Variants in TFIP11 observed in about 807,000 individuals in gnomAD.
TFIP11 encodes tuftelin interacting protein 11.
Under a neutral mutation model 96.8 loss-of-function variants are expected in TFIP11, and 86 were observed. The ratio of observed to expected loss-of-function variants is 0.89; its 90% confidence interval spans 0.75 to 1.06. The LOEUF (loss-of-function observed/expected upper bound fraction) is 1.06, where lower values mean the gene tolerates loss of function less well. TFIP11 is among the 50% of genes least tolerant of loss of function. The pLI, the probability that TFIP11 is intolerant of heterozygous loss-of-function variation, is 0.00. For missense variants in TFIP11, 881 were observed against 1,076.7 expected (o/e 0.82, Z 2.54); for synonymous variants, 405 against 395.2 (o/e 1.02, Z -0.29).
In TFIP11 at chr22:26,503,851, T is replaced by G. The variant is rs772008546; in HGVS notation, c.521-58A>C. 4.2e-5 allele frequency: 67 copies of G among 1,592,176 alleles called. 1 individual carries two copies. The highest frequency in any genetic ancestry group is 5.4e-5 in the Non-Finnish European group (63 of 1,170,316). ...TTACGATCACAGCAATTCATGTATG[T>G]GAATCAGCCACTCAGTGAAATGACA... On this transcript the variant is annotated intron_variant, in intron 6 of 14. Transcript: ENST00000407690.
chr22:26,506,698 C>T, intron 5 of TFIP11, 77 bp downstream of exon 5: 3 of 1,564,240 alleles, frequency 1.9e-6, no homozygotes, highest in Non-Finnish European at 2.6e-6. Flanking sequence ...ATGAGTTTCT[C>T]CCTGGCTAGA....
intron 6 of TFIP11, 190 bp downstream of exon 6, chr22:26,506,113 A>G (rs891232597): frequency 1.9e-6 from 1 of 534,530 alleles, no homozygotes; most frequent in Non-Finnish European, 3.1e-6. Context: ...CTTGCTGTTG[A>G]AACAATTACT....
chr22:26,509,933 A>G (rs536303041), intron 4 of TFIP11, 131 bp downstream of exon 4: 2 of 847,510 alleles, frequency 2.4e-6, no homozygotes, highest in South Asian at 1.7e-5. Flanking sequence ...ACCTCTCGAG[A>G]TGATGTCACA....
chr22:26,505,525 G>A (rs1005013486), intron 6 of TFIP11, among the ~76,000 whole-genome samples: 12 of 152,134 alleles, frequency 7.9e-5, no homozygotes, highest in African/African-American at 2.4e-4. Context: ...GGTTGGGGTG[G>A]AAGACAACAG....
intron 5 of TFIP11, 141 bp from the exon 6 acceptor site, chr22:26,506,600 C>T (rs1309539901): frequency 4.6e-6 from 6 of 1,298,752 alleles, no homozygotes; most frequent in South Asian, 3.0e-5. Context: ...TGTGTGATAA[C>T]GTGTCAGGAA....
In TFIP11 at chr22:26,496,238, G is replaced by T. The variant is rs373604642; in HGVS notation, c.1684C>A (p.Arg562=). 19 of 1,613,770 alleles carry T rather than the reference G, an allele frequency of 1.2e-5. No homozygotes were observed. The highest frequency in any genetic ancestry group is 1.3e-5 in the African/African-American group (1 of 74,882). ...IHPWLPLMQA[R]LEPLYSPIRS... is the part of the protein sequence containing the mutation. The stretch of plus-strand genomic sequence containing the variant: ...ATGGGGGAATAGAGTGGCTCCAGCC[G>T]TGCCTGCATAAGGGGCAGCCATGGG... Residue 562 remains arginine (R), a synonymous_variant, in exon 12 of 15, where the codon CGG becomes AGG. Transcript: ENST00000407690.
chr22:26,500,661 GAA>G (rs112618998), intron 8 of TFIP11, among the ~76,000 whole-genome samples: 31 of 142,448 alleles, frequency 2.2e-4, no homozygotes, highest in African/African-American at 4.4e-4. Flanking sequence ...CTCACTGGAG[GAA>G]AAAAAAAAAA....
In TFIP11 at chr22:26,510,722, T is replaced by C. The variant is rs1923956645; in HGVS notation, c.-95-20A>G. 6.4e-6 allele frequency: 1 copy of C among 156,310 alleles called. No individual in the cohort carries two copies. Among genetic ancestry groups the C allele is most frequent in the African/African-American group, 2.4e-5 (1 of 41,512 alleles). The allele number at this position is 156,310 out of a possible 1,614,324, so 9.7% of individuals were successfully genotyped here. On this transcript the variant is annotated intron_variant, in intron 2 of 14. Coordinates refer to ENST00000407690, the MANE Select transcript of TFIP11 (RefSeq NM_012143.4). ...GTGGTCCTAGGAGAGTGATTTTTTT[T>C]AGAATATGCTTTTTGAAATACATTA... is the stretch of plus-strand genomic sequence containing the variant.
intron 6 of TFIP11, 49 bp downstream of exon 6, chr22:26,506,254 T>C (rs1923391029): frequency 1.3e-6 from 2 of 1,522,070 alleles, no homozygotes; most frequent in Non-Finnish European, 1.8e-6. Context: ...CCCCTCTCCT[T>C]CCCTATGCCT....
At chr22:26,510,004 C>T in intron 4 of TFIP11, 60 bp downstream of exon 4, 1 of 1,570,806 alleles carries the variant, frequency 6.4e-7, no homozygotes, top group Non-Finnish European at 8.7e-7. Context: ...CCTCCACTCC[C>T]TGTCCATCTT....
In TFIP11 at chr22:26,491,990, A is replaced by T; in HGVS notation, c.*23T>A. On this transcript the variant is annotated 3_prime_UTR_variant, in exon 15 of 15. Transcript: ENST00000407690. ...CATCCCTCTTAGGGGCAAGTCTCTG[A>T]CTGGTTCTGGACCTGCCACAGTTCA... 6.4e-7 allele frequency: 1 copy of T among 1,564,108 alleles called. No homozygotes were observed. The highest frequency in any genetic ancestry group is 1.2e-5 in the South Asian group (1 of 85,640).
chr22:26,495,384 C>T (rs1185967868), intron 12 of TFIP11, among the ~76,000 whole-genome samples: 2 of 147,102 alleles, frequency 1.4e-5, no homozygotes, highest in Non-Finnish European at 3.0e-5. Flanking sequence ...TTCAAGCCAT[C>T]CTCCCGCCTC....
intron 7 of TFIP11, among the ~76,000 whole-genome samples, chr22:26,503,038 C>T (rs1922980758): frequency 6.6e-6 from 1 of 152,204 alleles, no homozygotes; most frequent in South Asian, 2.1e-4. Flanking sequence ...CCCATAAATT[C>T]AAACAGGAAA....
In TFIP11 at chr22:26,499,066, C is replaced by T. The variant is rs375656837; in HGVS notation, c.1329+38G>A. On this transcript the variant is annotated intron_variant, in intron 9 of 14. Transcript: ENST00000407690. ...CTCATCAAGCAAGGGTAAGCCCAAC[C>T]GAGAGGCAGGGATAGGTTGATTTTC... 1.4e-4 allele frequency: 229 copies of T among 1,601,708 alleles called. 2 individuals are homozygous for T. The South Asian group carries it at 2.4e-3, about 17-fold the overall frequency.
chr22:26,498,722 C>A, intron 10 of TFIP11, 147 bp downstream of exon 10: 4 of 660,848 alleles, frequency 6.1e-6, no homozygotes, highest in East Asian at 2.6e-5. Flanking sequence ...AAATTCATAG[C>A]CAAATGAATT....
intron 7 of TFIP11, among the ~76,000 whole-genome samples, chr22:26,502,276 A>G (rs713900): frequency 0.95 from 144,494 of 152,242 alleles, 68,645 homozygotes; most frequent in African/African-American, 0.98. Context: ...GAAGGCAGGT[A>G]CACCAGATGG....
intron 4 of TFIP11, among the ~76,000 whole-genome samples, chr22:26,508,076 C>T (rs986308669): frequency 2.0e-5 from 3 of 152,146 alleles, no homozygotes; most frequent in African/African-American, 7.2e-5. Context: ...CCACTGCACA[C>T]TCCAGCTTGG....
chr22:26,510,491 T>C, intron 3 of TFIP11, 126 bp downstream of exon 3: 2 of 569,020 alleles, frequency 3.5e-6, no homozygotes, highest in Non-Finnish European at 6.3e-6. Flanking sequence ...ATACTACTCC[T>C]AACAGTCTAT....
intron 4 of TFIP11, among the ~76,000 whole-genome samples, chr22:26,507,630 CAAAAAAA>C (rs134137): frequency 8.7e-6 from 1 of 115,572 alleles, no homozygotes; most frequent in Non-Finnish European, 1.8e-5. Flanking sequence ...ACCTTATCTC[CAAAAAAA>C]AAAAAAAAAG....
Sources: allele counts gnomAD v4.1 joint callset (sites outside exome capture counted in the v4.1 genomes callset), GRCh38; gene constraint gnomAD v4.1.1; transcripts MANE v1.5; gene names NCBI Gene and HGNC (gene_info 2026-07-23, HGNC 2026-07-21).